The following ABL2 variants were observed in gnomAD, a reference collection of about 807,000 sequenced individuals.
The protein encoded by ABL2 is tyrosine-protein kinase ABL2.
A neutral mutation model predicts 107.7 loss-of-function variants in ABL2; 49 were observed. That is an observed-to-expected ratio of 0.45 (90% CI 0.36 to 0.58). The LOEUF (loss-of-function observed/expected upper bound fraction) is 0.58, where lower values mean the gene tolerates loss of function less well. Ranked by LOEUF, ABL2 falls within the 20% of genes least tolerant of loss-of-function variation. The pLI is 0.00. For missense variants in ABL2, 1,245 were observed against 1,457.0 expected, an observed-to-expected ratio of 0.85 and a Z score of 2.37; for synonymous variants, 549 against 548.6, an observed-to-expected ratio of 1.00 and a Z score of -0.01.
intron 1 of ABL2, among the ~76,000 whole-genome samples, chr1:179,199,154 T>C (rs1449522548): frequency 6.6e-6 from 1 of 152,168 alleles, no homozygotes; most frequent in Non-Finnish European, 1.5e-5. Flanking sequence ...ATTATCCCAT[T>C]ATTATCTGGA....
At chr1:179,188,183 A>T (rs1660782282) in intron 1 of ABL2, among the ~76,000 whole-genome samples, 1 of 152,010 alleles carries the variant, frequency 6.6e-6, no homozygotes, top group Non-Finnish European at 1.5e-5. Flanking sequence ...CAAAAGTTTG[A>T]CTCTTTCAGT....
At chr1:179,216,745 G>A (rs1370380138) in intron 1 of ABL2, among the ~76,000 whole-genome samples, 2 of 151,158 alleles carry the variant, frequency 1.3e-5, no homozygotes, top group Non-Finnish European at 2.9e-5. Context: ...GGACTGCAGT[G>A]GCGTGATCTG....
chr1:179,102,966 T>A lies in ABL2; in HGVS notation c.*4752A>T. On this transcript the variant is annotated 3_prime_UTR_variant, in exon 12 of 12. Coordinates refer to ENST00000502732, the MANE Select transcript of ABL2 (RefSeq NM_007314.4). ...TCCCCCTGTAAACCTAACAAAACTA[T>A]GCAGGACATAGGTTAAAAAAGACAC... is the stretch of plus-strand genomic sequence containing the variant. The A allele has an allele frequency of 4.4e-6, 1 of 225,800 alleles. No homozygotes were observed. Among genetic ancestry groups the A allele is most frequent in the Non-Finnish European group, 8.8e-6 (1 of 113,394 alleles). The allele number at this position is 225,800 out of a possible 1,614,324, so 14.0% of individuals were successfully genotyped here. A position where few individuals can be genotyped will look rare whatever the true frequency, so the allele number is the denominator to read the frequency against.
chr1:179,149,578 T>C (rs932557730), intron 1 of ABL2, among the ~76,000 whole-genome samples: 7 of 152,204 alleles, frequency 4.6e-5, no homozygotes, highest in African/African-American at 1.7e-4. Flanking sequence ...AGGTTGATTC[T>C]CTGGTTAGGG....
intron 9 of ABL2, among the ~76,000 whole-genome samples, chr1:179,113,326 A>C (rs1305393370): frequency 6.6e-6 from 1 of 152,236 alleles, no homozygotes; most frequent in Non-Finnish European, 1.5e-5. Context: ...GTTTTCTTCC[A>C]CTTGAAAATA....
chr1:179,173,521 C>T (rs1571247332), intron 1 of ABL2, among the ~76,000 whole-genome samples: 1 of 119,102 alleles, frequency 8.4e-6, no homozygotes, highest in Non-Finnish European at 1.8e-5. Context: ...TGCCGCCACG[C>T]CTGTATTTTT....
At chr1:179,179,251 G>T (rs1233150068) in intron 1 of ABL2, among the ~76,000 whole-genome samples, 1 of 152,006 alleles carries the variant, frequency 6.6e-6, no homozygotes, top group Non-Finnish European at 1.5e-5. Context: ...CCTACCCAAC[G>T]TCCCAATCCC....
intron 1 of ABL2, among the ~76,000 whole-genome samples, chr1:179,209,102 A>G (rs1232825227): frequency 1.3e-5 from 2 of 152,212 alleles, no homozygotes; most frequent in Non-Finnish European, 2.9e-5. Flanking sequence ...AGCAGAAGCA[A>G]AGAGGTCTCT....
rs182747658 is a variant in ABL2, at chr1:179,129,542, C to T, written c.391+1769G>A. On this transcript the variant is annotated intron_variant, in intron 3 of 11. Transcript: ENST00000502732. ...ACTAAAAATACAAAAATTAACACGG[C>T]GTGGTGGTGCGTGCCTGTAATCCCA... is the stretch of plus-strand genomic sequence containing the variant. Among the ~76,000 whole-genome samples the T allele has an allele frequency of 3.6e-3, 543 of 152,030 alleles. 1 individual carries two copies. The highest frequency in any genetic ancestry group is 7.7e-3 in the African/African-American group (319 of 41,482).
chr1:179,200,038 CCTTTTTTTT>C (rs1557993870), intron 1 of ABL2, among the ~76,000 whole-genome samples: 4 of 118,958 alleles, frequency 3.4e-5, no homozygotes, highest in Non-Finnish European at 1.7e-5. Flanking sequence ...GCCCCCAATG[CCTTTTTTTT>C]TTTTTTTTTT....
chr1:179,117,158 C>T lies in ABL2; in HGVS notation c.1408+174G>A. 3 of 706,262 alleles carry T rather than the reference C, an allele frequency of 4.2e-6. No individual in the cohort carries two copies. The Admixed American group carries it at 8.3e-5, about 20-fold the overall frequency. The allele number at this position is 706,262 out of a possible 1,614,324, so 43.7% of individuals were successfully genotyped here. On this transcript the variant is annotated intron_variant, in intron 8 of 11. Coordinates refer to ENST00000502732, the MANE Select transcript of ABL2 (RefSeq NM_007314.4). ...CCTATACTTCTGTTTATGCAAAGTT[C>T]TTAACACAGTCCTGGCAGATAGGAG...
chr1:179,220,325 T>A (rs762449317), intron 1 of ABL2, among the ~76,000 whole-genome samples: 1 of 152,186 alleles, frequency 6.6e-6, no homozygotes, highest in Admixed American at 6.5e-5. Context: ...ACATTATCAT[T>A]CCCTATTTTG....
intron 1 of ABL2, chr1:179,222,027 G>A: frequency 5.0e-6 from 1 of 199,384 alleles, no homozygotes; most frequent in Non-Finnish European, 1.2e-5. Context: ...CCATTCAGAT[G>A]TCTGTCAATT....
chr1:179,130,476 T>C (rs960759748), intron 3 of ABL2, among the ~76,000 whole-genome samples: 2 of 152,232 alleles, frequency 1.3e-5, no homozygotes, highest in Admixed American at 6.5e-5. Context: ...ATGAAGATAG[T>C]AGTTCAGTGT....
chr1:179,179,870 G>A (rs751419874), intron 1 of ABL2, among the ~76,000 whole-genome samples: 1 of 151,832 alleles, frequency 6.6e-6, no homozygotes, highest in Non-Finnish European at 1.5e-5. Context: ...GAAGGGCGAG[G>A]CAGGGGGATG....
intron 7 of ABL2, among the ~76,000 whole-genome samples, chr1:179,118,029 C>T (rs371834665): frequency 2.0e-5 from 3 of 151,658 alleles, no homozygotes; most frequent in East Asian, 1.9e-4. Context: ...GGCATATTCC[C>T]GTAATCCCAG....
intron 1 of ABL2, among the ~76,000 whole-genome samples, chr1:179,166,699 C>T (rs1444184741): frequency 6.6e-6 from 1 of 150,932 alleles, no homozygotes; most frequent in Non-Finnish European, 1.5e-5. Flanking sequence ...ATCGCTTGAA[C>T]CTGGAAGGCA....
chr1:179,204,487 T>C (rs956717361), intron 1 of ABL2, among the ~76,000 whole-genome samples: 3 of 152,130 alleles, frequency 2.0e-5, no homozygotes, highest in African/African-American at 2.4e-5. Flanking sequence ...GGCTCACACC[T>C]GTAATCCTAG....
At chr1:179,111,235 GC>G (rs1654043072) in intron 10 of ABL2, among the ~76,000 whole-genome samples, 1 of 147,636 alleles carries the variant, frequency 6.8e-6, no homozygotes. Context: ...ACCCGCCTCA[GC>G]CTCCCAAAGT....
Sources: allele counts gnomAD v4.1 joint callset (sites outside exome capture counted in the v4.1 genomes callset), GRCh38; gene constraint gnomAD v4.1.1; transcripts MANE v1.5; gene names NCBI Gene and HGNC (gene_info 2026-07-23, HGNC 2026-07-21).